The following TNPO2 variants were observed in gnomAD, a reference collection of about 807,000 sequenced individuals.
TNPO2 encodes transportin-2.
A neutral mutation model predicts 111.1 loss-of-function variants in TNPO2; 16 were observed. The ratio of observed to expected loss-of-function variants is 0.14; its 90% CI spans 0.10 to 0.22. TNPO2 has a LOEUF of 0.22. Among genes scored for constraint, TNPO2 ranks in the 10% least tolerant of loss-of-function variants. TNPO2 has a pLI of 1.00. For missense variants in TNPO2, 530 were observed against 1,173.7 expected (o/e 0.45, Z 8.01); for synonymous variants, 481 against 475.8 (o/e 1.01, Z -0.14).
intron 20 of TNPO2, 151 bp from the exon 21 acceptor site, chr19:12,703,069 C>A: frequency 2.9e-6 from 2 of 689,438 alleles, no homozygotes; most frequent in South Asian, 1.8e-5. Context: ...TCCGGCTAAT[C>A]CCCACCCAGA....
At chr19:12,709,071 G>A (rs1172045664) in intron 13 of TNPO2, among the ~76,000 whole-genome samples, 3 of 151,218 alleles carry the variant, frequency 2.0e-5, no homozygotes, top group East Asian at 2.0e-4. Flanking sequence ...GAGGCCAGGC[G>A]TGGTGGCTGG....
rs193016280 is a variant in TNPO2 at position 12,707,821 on chromosome 19, T to A, written c.1271-1026A>T. Among the ~76,000 whole-genome samples the A allele has an allele frequency of 9.2e-5, 14 of 151,736 alleles. No individual in the cohort carries two copies. In the East Asian group the frequency reaches 2.7e-3, roughly 29 times the overall value. Reference sequence around the variant, plus strand: ...CTTATTTTTGTTTAATTTTTTAATTTATTATTATTATTTTTTTGAGACGGA... The same window carrying A: ...CTTATTTTTGTTTAATTTTTTAATTAATTATTATTATTTTTTTGAGACGGA... On this transcript the variant is annotated intron_variant, in intron 13 of 25. Transcript: ENST00000425528.
Position 12,719,066 on chromosome 19 carries a change from G to A in TNPO2, c.288C>T (p.Asn96=), listed in dbSNP as rs2026524952. 6.2e-7 allele frequency: 1 copy of A among 1,613,998 alleles called. No homozygotes were observed. Among genetic ancestry groups the A allele is most frequent in the Non-Finnish European group, 8.5e-7 (1 of 1,179,900 alleles). The change falls in exon 5 of 26, where the codon AAC becomes AAT. Residue 96 remains asparagine (N), a synonymous_variant. Coordinates refer to ENST00000425528, the MANE Select transcript of TNPO2 (RefSeq NM_001382241.1). This position sits in a 1 kb window ranked among gnomAD's most constrained non-coding sequence, Gnocchi z 5.0. ...GGATGAGCGAGGAGGCATCGCCAAT[G>A]TTGTTGAGACACTCCTGTTTGATGA... ...ADFIKQECLN[N]IGDASSLIRA...
At chr19:12,707,159 G>A (rs10402101) in intron 13 of TNPO2, among the ~76,000 whole-genome samples, 20,701 of 151,840 alleles carry the variant, frequency 0.14, 4,229 homozygotes, top group African/African-American at 0.44. Context: ...CACAATGCCC[G>A]GGGAATTTTT....
rs919116371 is a variant in TNPO2, at chr19:12,700,331, C to G, written c.*933G>C. 7 of 152,196 alleles carry G rather than the reference C, an allele frequency of 4.6e-5. No homozygotes were observed. The highest frequency in any genetic ancestry group is 7.3e-5 in the Non-Finnish European group (5 of 68,058). The allele number at this position is 152,196 out of a possible 1,614,324, so 9.4% of individuals were successfully genotyped here. A position where few individuals can be genotyped will look rare whatever the true frequency, so the allele number is the denominator to read the frequency against. ...AACGGACTGCCCCTGAAGCTGCTTA[C>G]AGAGAGAGATGCTCGGGGTAGGTGC... On this transcript the variant is annotated 3_prime_UTR_variant, in exon 26 of 26. Transcript: ENST00000425528.
intron 20 of TNPO2, 114 bp from the exon 21 acceptor site, chr19:12,703,032 C>T: frequency 1.1e-6 from 1 of 899,506 alleles, no homozygotes; most frequent in Non-Finnish European, 1.7e-6. Flanking sequence ...TGGCCAACCA[C>T]TACCAGTGAG....
rs1167573407 is a variant in TNPO2, at chr19:12,721,128, C to G, written c.-13-138G>C. The G allele has an allele frequency of 6.7e-7, 1 of 1,483,174 alleles. No individual in the cohort carries two copies. The highest frequency in any genetic ancestry group is 8.9e-7 in the Non-Finnish European group (1 of 1,124,316). The allele number at this position is 1,483,174 out of a possible 1,614,324, so 91.9% of individuals were successfully genotyped here. A position where few individuals can be genotyped will look rare whatever the true frequency, so the allele number is the denominator to read the frequency against. ...CAGGCGGAGGCCTCCGATCCACGCC[C>G]GCCCAAGTGCGGGGTCCCCGCCAGC... is the stretch of plus-strand genomic sequence containing the variant. On this transcript the variant is annotated intron_variant, in intron 2 of 25. Transcript: ENST00000425528. The surrounding 1 kb of genome is among the most constrained non-coding windows in gnomAD (Gnocchi z 4.9).
intron 5 of TNPO2, among the ~76,000 whole-genome samples, chr19:12,717,274 T>C (rs1307055445): frequency 1.4e-5 from 2 of 145,704 alleles, no homozygotes; most frequent in African/African-American, 5.2e-5. Flanking sequence ...CTCTCTTTTT[T>C]TTTTTTTTTT....
In TNPO2 at chr19:12,715,328, G is replaced by A. The variant is rs765382900; in HGVS notation, c.567-4C>T. The A allele has an allele frequency of 6.2e-7, 1 of 1,613,836 alleles. No homozygotes were observed. Among genetic ancestry groups the A allele is most frequent in the Admixed American group, 1.7e-5 (1 of 60,000 alleles). On this transcript the variant is annotated splice_region_variant and splice_polypyrimidine_tract_variant and intron_variant, in intron 7 of 25. Coordinates refer to ENST00000425528, the MANE Select transcript of TNPO2 (RefSeq NM_001382241.1). This position sits in a 1 kb window ranked among gnomAD's most constrained non-coding sequence, Gnocchi z 7.1. ...CACGCAGGCGATGGCGTGGGACCTG[G>A]CGGGGAGCAGACACGTGGGTCACCC...
Position 12,702,968 on chromosome 19 carries a change from G to A in TNPO2, c.2210-50C>T, listed in dbSNP as rs752492397. Reference sequence around the variant, plus strand: ...CTGCACAGCCCCCGCCACCCACAGGGGCCAGGGGGCCGCCCCACCTCACTC... The same window carrying A: ...CTGCACAGCCCCCGCCACCCACAGGAGCCAGGGGGCCGCCCCACCTCACTC... On this transcript the variant is annotated intron_variant, in intron 20 of 25. Coordinates refer to ENST00000425528, the MANE Select transcript of TNPO2 (RefSeq NM_001382241.1). This position sits in a 1 kb window ranked among gnomAD's most constrained non-coding sequence, Gnocchi z 5.5. 4 of 1,550,958 alleles carry A rather than the reference G, an allele frequency of 2.6e-6. No individual in the cohort carries two copies. In the Admixed American group the frequency reaches 5.1e-5, roughly 20 times the overall value.
At chr19:12,718,998 C>T (rs779605369) in intron 5 of TNPO2, 31 bp downstream of exon 5, 85 of 1,610,966 alleles carry the variant, frequency 5.3e-5, no homozygotes, top group Non-Finnish European at 7.2e-5. Flanking sequence ...TCAGTGTGTC[C>T]TCAGAGGCCA....
At position 12,706,764 on chromosome 19, in the gene TNPO2, A is replaced by G. The variant is rs2145497122; in HGVS notation, c.1302T>C (p.Pro434=). Residue 434 remains proline (P), a synonymous_variant, in exon 14 of 26, where the codon CCT becomes CCC. Coordinates refer to ENST00000425528, the MANE Select transcript of TNPO2 (RefSeq NM_001382241.1). The surrounding 1 kb of genome is among the most constrained non-coding windows in gnomAD (Gnocchi z 7.0). ...ACTGGATCAGGTGCGGGATCAGCTC[A>G]GGCAGGTAGGGCACCATGCCCTGCA... ...GCMQGMVPYL[P]ELIPHLIQCL... is the part of the protein sequence containing the mutation. 1 of 1,611,584 alleles carries G rather than the reference A, an allele frequency of 6.2e-7. No individual in the cohort carries two copies. The highest frequency in any genetic ancestry group is 8.5e-7 in the Non-Finnish European group (1 of 1,178,796).
chr19:12,719,347 G>GT lies in TNPO2; in HGVS notation c.100-12dup. 1 of 1,613,456 alleles carries GT rather than the reference G, an allele frequency of 6.2e-7. No homozygotes were observed. The highest frequency in any genetic ancestry group is 8.5e-7 in the Non-Finnish European group (1 of 1,179,500). On this transcript the variant is annotated splice_polypyrimidine_tract_variant and intron_variant, in intron 3 of 25. Transcript: ENST00000425528. The surrounding 1 kb of genome is among the most constrained non-coding windows in gnomAD (Gnocchi z 5.0). ...GAGTTGTTTGAGTTTCTGCCAGGCT[G>GT]TTAAGGGACTTGGAAGACAGAGGCC...
Position 12,704,690 on chromosome 19 carries a change from C to CT in TNPO2, c.2022+549dup, listed in dbSNP as rs1166169809. On this transcript the variant is annotated intron_variant, in intron 18 of 25. Coordinates refer to ENST00000425528, the MANE Select transcript of TNPO2 (RefSeq NM_001382241.1). ...TCACATTTTCTATTTTCTTTTCTTT[C>CT]TTTTTTTTTGAAGACAGAGTCTCAG... Among the ~76,000 whole-genome samples, 1,056 of 150,824 alleles carry CT rather than the reference C, an allele frequency of 7.0e-3. 7 individuals are homozygous for CT. The highest frequency in any genetic ancestry group is 0.034 in the Middle Eastern group (10 of 290).
At position 12,705,102 on chromosome 19, in the gene TNPO2, C is replaced by T. The variant is rs1053853329; in HGVS notation, c.2022+138G>A. ...TGGGCTCAAGCAATCCTGCCTCGGC[C>T]TCCAGGATTACTCTTTAAAATAATT... On this transcript the variant is annotated intron_variant, in intron 18 of 25. Coordinates refer to ENST00000425528, the MANE Select transcript of TNPO2 (RefSeq NM_001382241.1). This position sits in a 1 kb window ranked among gnomAD's most constrained non-coding sequence, Gnocchi z 7.2. 4.8e-5 allele frequency: 45 copies of T among 928,456 alleles called. No homozygotes were observed. Among genetic ancestry groups the T allele is most frequent in the Non-Finnish European group, 6.7e-5 (42 of 623,608 alleles). 57.5% of individuals were successfully genotyped at this position (928,456 alleles called of 1,614,324 possible).
Position 12,711,351 on chromosome 19 carries a change from G to A in TNPO2, c.1062C>T (p.Gly354=). 1 of 1,614,036 alleles carries A rather than the reference G, an allele frequency of 6.2e-7. No homozygotes were observed. ...TLPHEAERPD[G]SEDAEDDDDD... ...CATCGTCATCCTCCGCGTCCTCGGA[G>A]CCATCAGGCCGCTCAGCCTCGTGGG... Residue 354 remains glycine, a synonymous_variant, in exon 12 of 26, where the codon GGC becomes GGT. Coordinates refer to ENST00000425528, the MANE Select transcript of TNPO2 (RefSeq NM_001382241.1).
chr19:12,720,873 G>A lies in TNPO2; in HGVS notation c.99+6C>T. 6.3e-7 allele frequency: 1 copy of A among 1,594,106 alleles called. No individual in the cohort carries two copies. The highest frequency in any genetic ancestry group is 1.7e-5 in the Admixed American group (1 of 57,156). On this transcript the variant is annotated splice_donor_region_variant and intron_variant, in intron 3 of 25. Coordinates refer to ENST00000425528, the MANE Select transcript of TNPO2 (RefSeq NM_001382241.1). Reference sequence around the variant, plus strand: ...CTCCCCCAGCCCCGGAAGGAAGGAAGGATACATCCTGCACGATGCGCTGAG... The same window carrying A: ...CTCCCCCAGCCCCGGAAGGAAGGAAAGATACATCCTGCACGATGCGCTGAG...
At chr19:12,714,719 G>T in intron 10 of TNPO2, 102 bp downstream of exon 10, 1 of 900,228 alleles carries the variant, frequency 1.1e-6, no homozygotes, top group Non-Finnish European at 1.8e-6. Flanking sequence ...AAACTGACAA[G>T]GATGTGGACT....
Position 12,701,385 on chromosome 19 carries a change from C to A in TNPO2, c.2655G>T (p.Pro885=). 1 of 1,613,934 alleles carries A rather than the reference C, an allele frequency of 6.2e-7. No homozygotes were observed. The highest frequency in any genetic ancestry group is 1.1e-5 in the South Asian group (1 of 91,086). The change falls in exon 25 of 26, where the codon CCG becomes CCT. Residue 885 remains proline, a synonymous_variant. Transcript: ENST00000425528. This position sits in a 1 kb window ranked among gnomAD's most constrained non-coding sequence, Gnocchi z 5.0. ...NWQQFSEQFP[P]LLKERLAAFY... is the part of the protein sequence containing the mutation. ...AAGCCGCCAGCCTCTCCTTGAGCAG[C>A]GGCGGGAATTGCTCAGAGAACTGCT...
Sources: allele counts gnomAD v4.1 joint callset (sites outside exome capture counted in the v4.1 genomes callset), GRCh38; gene constraint gnomAD v4.1.1; non-coding constraint Gnocchi (gnomAD v3.1); transcripts MANE v1.5; gene names NCBI Gene and HGNC (gene_info 2026-07-23, HGNC 2026-07-21).